CSMD1: variants seen among roughly 807,000 people sequenced by gnomAD.
The protein encoded by CSMD1 is CUB and sushi domain-containing protein 1.
CSMD1 carries 213 observed loss-of-function variants against 417.5 expected under a neutral mutation model. The observed-to-expected ratio is 0.51, with a 90% CI of 0.46 to 0.57. CSMD1 has a LOEUF of 0.57. Among genes scored for constraint, CSMD1 ranks in the 20% least tolerant of loss-of-function variants. The pLI is 0.00. For missense variants in CSMD1, 6,923 were observed against 4,529.7 expected (o/e 1.53, Z -15.17); for synonymous variants, 2,862 against 1,736.8 (o/e 1.65, Z -16.11).
intron 5 of CSMD1, chr8:3,950,103 A>G (rs772778335): frequency 1.6e-5 from 7 of 428,774 alleles, no homozygotes; most frequent in Non-Finnish European, 3.3e-5. Context: ...AAAGGCAATG[A>G]TAATAATAAT....
At chr8:4,747,169 G>A (rs894346704) in intron 1 of CSMD1, among the ~76,000 whole-genome samples, 2 of 152,182 alleles carry the variant, frequency 1.3e-5, no homozygotes, top group Non-Finnish European at 2.9e-5. Flanking sequence ...TATAGGGGGA[G>A]AGGAAAGGAG....
intron 5 of CSMD1, among the ~76,000 whole-genome samples, chr8:3,852,274 G>A (rs901092054): frequency 6.6e-6 from 1 of 152,126 alleles, no homozygotes; most frequent in Non-Finnish European, 1.5e-5. Context: ...GTAGGCAGTG[G>A]ATGCAGCGAA....
At chr8:3,364,127 G>C (rs774677278) in intron 20 of CSMD1, among the ~76,000 whole-genome samples, 1 of 151,896 alleles carries the variant, frequency 6.6e-6, no homozygotes, top group South Asian at 2.1e-4. Flanking sequence ...TGCCTCATTT[G>C]TATAATAAAG....
chr8:3,804,299 A>AT lies in CSMD1; in HGVS notation c.819-50258dup, dbSNP rs895372856. On this transcript the variant is annotated intron_variant, in intron 5 of 69. Transcript: ENST00000635120. Reference sequence around the variant, plus strand: ...CAGGTGCAGAATACTAAAATAAATAATTTTTTTTGTGCTGAGACCAGTTGA... The same window carrying AT: ...CAGGTGCAGAATACTAAAATAAATAATTTTTTTTTGTGCTGAGACCAGTTGA... 2.3e-4 allele frequency among the ~76,000 whole-genome samples: 35 copies of AT among 152,126 alleles called. 1 individual carries two copies. Among genetic ancestry groups the AT allele is most frequent in the Middle Eastern group, 3.4e-3 (1 of 294 alleles).
In CSMD1 at chr8:3,294,065, A is replaced by G. The variant is rs549340278; in HGVS notation, c.3951-9719T>C. On this transcript the variant is annotated intron_variant, in intron 25 of 69. Coordinates refer to ENST00000635120, the MANE Select transcript of CSMD1 (RefSeq NM_033225.6). ...TAACAGTCAGGACCCTCAGCTGCAC[A>G]TCTGTTGGAGTTTGCTGGAGGTGCA... Among the ~76,000 whole-genome samples the G allele has an allele frequency of 1.2e-3, 185 of 152,272 alleles. 1 individual carries two copies. Among genetic ancestry groups the G allele is most frequent in the African/African-American group, 4.3e-3 (180 of 41,562 alleles).
intron 5 of CSMD1, among the ~76,000 whole-genome samples, chr8:3,962,134 G>C (rs1424525580): frequency 6.6e-6 from 1 of 152,118 alleles, no homozygotes; most frequent in Non-Finnish European, 1.5e-5. Flanking sequence ...TCTGTGTCCA[G>C]CCCACACCTG....
At position 4,283,256 on chromosome 8, in the gene CSMD1, T is replaced by C. The variant is rs546025131; in HGVS notation, c.415+136697A>G. 2.7e-5 allele frequency among the ~76,000 whole-genome samples: 4 copies of C among 150,920 alleles called. No homozygotes were observed. In the South Asian group the frequency reaches 8.3e-4, roughly 31 times the overall value. On this transcript the variant is annotated intron_variant, in intron 3 of 69. Transcript: ENST00000635120. ...ACTATCCTTTTGCAAACAGTTTAGA[T>C]GAAGACTTTTAATGCACATTTTCCA...
At chr8:3,580,825 T>C (rs7845006) in intron 9 of CSMD1, among the ~76,000 whole-genome samples, 37,267 of 152,018 alleles carry the variant, frequency 0.25, 4,690 homozygotes, top group Admixed American at 0.28. Context: ...ATGATCTTCT[T>C]ATTACTCTTT....
At chr8:3,715,282 A>T (rs551904647) in intron 6 of CSMD1, among the ~76,000 whole-genome samples, 2 of 152,190 alleles carry the variant, frequency 1.3e-5, no homozygotes, top group African/African-American at 4.8e-5. Flanking sequence ...TTAACGTGTG[A>T]TTTGTGCTGA....
chr8:4,334,259 T>G (rs1352716015), intron 3 of CSMD1, among the ~76,000 whole-genome samples: 1 of 152,094 alleles, frequency 6.6e-6, no homozygotes, highest in Non-Finnish European at 1.5e-5. Flanking sequence ...ATAAGGTGCT[T>G]AAAAGTATGC....
intron 1 of CSMD1, among the ~76,000 whole-genome samples, chr8:4,919,792 T>A (rs1263828768): frequency 3.9e-5 from 6 of 151,980 alleles, no homozygotes; most frequent in Non-Finnish European, 8.8e-5. Flanking sequence ...TTACAGTAGG[T>A]CCCCCCATTA....
In CSMD1 at chr8:4,427,879, C is replaced by T. The variant is rs117354079; in HGVS notation, c.303-7814G>A. ...TGTTGAATTTTAAAGTCAGGGATCACTACTTAATATAATGTCTCTAGGGCA... is the reference window on the plus strand; with the variant it reads ...TGTTGAATTTTAAAGTCAGGGATCATTACTTAATATAATGTCTCTAGGGCA... On this transcript the variant is annotated intron_variant, in intron 2 of 69. Coordinates refer to ENST00000635120, the MANE Select transcript of CSMD1 (RefSeq NM_033225.6). Among the ~76,000 whole-genome samples, 236 of 152,254 alleles carry T rather than the reference C, an allele frequency of 1.6e-3. 1 individual carries two copies. The highest frequency in any genetic ancestry group is 5.3e-3 in the African/African-American group (222 of 41,544).
intron 6 of CSMD1, among the ~76,000 whole-genome samples, chr8:3,720,985 TA>T (rs1340340137): frequency 2.0e-5 from 3 of 148,344 alleles, no homozygotes; most frequent in South Asian, 2.1e-4. Context: ...CCGGCTAATT[TA>T]TTTTTTTTGT....
intron 8 of CSMD1, among the ~76,000 whole-genome samples, chr8:3,602,065 G>C (rs957961005): frequency 6.6e-6 from 1 of 152,174 alleles, no homozygotes; most frequent in Non-Finnish European, 1.5e-5. Flanking sequence ...TCTGGAGATG[G>C]ATGGTGGTCA....
intron 35 of CSMD1, among the ~76,000 whole-genome samples, chr8:3,188,493 G>C (rs1260215641): frequency 2.0e-5 from 3 of 151,382 alleles, no homozygotes; most frequent in East Asian, 2.0e-4. Context: ...TTTTAGTAGA[G>C]ACAGGGTTTC....
chr8:4,690,734 ATTATT>A (rs1294445981), intron 1 of CSMD1, among the ~76,000 whole-genome samples: 2 of 152,016 alleles, frequency 1.3e-5, no homozygotes, highest in Non-Finnish European at 2.9e-5. Flanking sequence ...TCTTGATATT[ATTATT>A]TTATTTTTGA....
At chr8:4,534,094 G>A (rs1414648224) in intron 2 of CSMD1, among the ~76,000 whole-genome samples, 2 of 152,098 alleles carry the variant, frequency 1.3e-5, no homozygotes, top group Middle Eastern at 3.2e-3. Context: ...AACAGATTAT[G>A]TACACATGTA....
chr8:4,589,180 G>C (rs190381679), intron 2 of CSMD1, among the ~76,000 whole-genome samples: 3 of 152,170 alleles, frequency 2.0e-5, no homozygotes, highest in African/African-American at 4.8e-5. Context: ...GTGCAAAAAA[G>C]GGAATTGGAT....
chr8:3,182,467 G>T (rs1167923709), intron 36 of CSMD1, among the ~76,000 whole-genome samples: 1 of 151,906 alleles, frequency 6.6e-6, no homozygotes, highest in Non-Finnish European at 1.5e-5. Context: ...TGCTTGCCTC[G>T]GCCTCCCAAA....
Sources: gnomAD v4.1 joint callset for allele counts (sites outside exome capture counted in the v4.1 genomes callset) on GRCh38, gnomAD v4.1.1 for gene constraint, MANE v1.5 for transcripts, NCBI Gene and HGNC (gene_info 2026-07-23, HGNC 2026-07-21) for gene names.